The following NCDN variants were observed in gnomAD, a reference collection of about 807,000 sequenced individuals.
The protein encoded by NCDN is neurochondrin, also known as norbin.
NCDN carries 9 observed loss-of-function variants against 60.7 expected under a neutral mutation model. That is an observed-to-expected ratio of 0.15 (90% CI 0.09 to 0.26). The LOEUF (loss-of-function observed/expected upper bound fraction) is 0.26. NCDN is among the 10% of genes least tolerant of loss of function. NCDN has a pLI of 1.00. For synonymous variants in NCDN, 409 were observed against 442.5 expected, an observed-to-expected ratio of 0.92 and a Z score of 0.95; for missense variants, 578 against 975.2, an observed-to-expected ratio of 0.59 and a Z score of 5.42.
At position 35,560,286 on chromosome 1, in the gene NCDN, T is replaced by A. The variant is rs1648649609; in HGVS notation, c.175-40T>A. The A allele has an allele frequency of 6.3e-7, 1 of 1,585,444 alleles. No homozygotes were observed. On this transcript the variant is annotated intron_variant, in intron 2 of 6. Coordinates refer to ENST00000373243, the MANE Select transcript of NCDN (RefSeq NM_014284.3). The surrounding 1 kb of genome is among the most constrained non-coding windows in gnomAD (Gnocchi z 7.6). ...GCAGGAGAGGGACAGTCTTTCCCACTTCTTCCTTTCATCCTGATGATAGCA... is the reference window on the plus strand; with the variant it reads ...GCAGGAGAGGGACAGTCTTTCCCACATCTTCCTTTCATCCTGATGATAGCA...
In NCDN at chr1:35,562,020, TA is replaced by T. The variant is rs1648723895; in HGVS notation, c.1144-369del. On this transcript the variant is annotated intron_variant, in intron 3 of 6. Transcript: ENST00000373243. This position sits in a 1 kb window ranked among gnomAD's most constrained non-coding sequence, Gnocchi z 6.8. ...CTCCCACCCCAGGTCAGAGCTGCTG[TA>T]AAGGGTGTTTAACTTAGCTTTTGAC... is the stretch of plus-strand genomic sequence containing the variant. Among the ~76,000 whole-genome samples the T allele has an allele frequency of 6.6e-6, 1 of 152,178 alleles. No homozygotes were observed. The highest frequency in any genetic ancestry group is 1.5e-5 in the Non-Finnish European group (1 of 68,024).
rs767138829 is a variant in NCDN at position 35,559,066 on chromosome 1, C to T, written c.34-41C>T. On this transcript the variant is annotated intron_variant, in intron 1 of 6. Coordinates refer to ENST00000373243, the MANE Select transcript of NCDN (RefSeq NM_014284.3). ...TCTCACCCCCACCCCACCCCCGTCCCTCCTCTGCAGAGGGATGCTCAGTCC... is the reference window on the plus strand; with the variant it reads ...TCTCACCCCCACCCCACCCCCGTCCTTCCTCTGCAGAGGGATGCTCAGTCC... 4 of 1,562,044 alleles carry T rather than the reference C, an allele frequency of 2.6e-6. No individual in the cohort carries two copies. In the South Asian group the frequency reaches 4.5e-5, roughly 18 times the overall value.
Position 35,565,402 on chromosome 1 carries a change from C to A in NCDN, c.1929C>A (p.Ala643=). 6.2e-7 allele frequency: 1 copy of A among 1,612,956 alleles called. No individual in the cohort carries two copies. Among genetic ancestry groups the A allele is most frequent in the Non-Finnish European group, 8.5e-7 (1 of 1,179,380 alleles). Residue 643 remains alanine (A), a synonymous_variant, in exon 7 of 7, where the codon GCC becomes GCA. Transcript: ENST00000373243. The surrounding 1 kb of genome is among the most constrained non-coding windows in gnomAD (Gnocchi z 8.9). ...AGCTCTGGTTCCTGGGCATGCAGGC[C>A]TTCACCGGCTGTGTGCCTCTGCTGC... ...LQELWFLGMQ[A]FTGCVPLLPW...
At position 35,562,802 on chromosome 1, in the gene NCDN, C is replaced by T. The variant is rs186883896; in HGVS notation, c.1385+169C>T. Among the ~76,000 whole-genome samples the T allele has an allele frequency of 6.6e-6, 1 of 152,346 alleles. No homozygotes were observed. Among genetic ancestry groups the T allele is most frequent in the Non-Finnish European group, 1.5e-5 (1 of 68,034 alleles). On this transcript the variant is annotated intron_variant, in intron 4 of 6. Transcript: ENST00000373243. This position sits in a 1 kb window ranked among gnomAD's most constrained non-coding sequence, Gnocchi z 6.8. The stretch of plus-strand genomic sequence containing the variant: ...GGCTTGTTCCCACAGGACTCCTCGG[C>T]TGCCAGGTGTCACTTGCCAACCCCA...
In NCDN at chr1:35,563,503, TC is replaced by T; in HGVS notation, c.1610+79del. ...TGCCCAGTTGCCTCAATTCTCAGTC[TC>T]CTACTTTGCCCCCCATGCCCATGGA... On this transcript the variant is annotated intron_variant, in intron 5 of 6. Coordinates refer to ENST00000373243, the MANE Select transcript of NCDN (RefSeq NM_014284.3). The surrounding 1 kb of genome is among the most constrained non-coding windows in gnomAD (Gnocchi z 6.6). 1 of 1,490,268 alleles carries T rather than the reference TC, an allele frequency of 6.7e-7. No individual in the cohort carries two copies. The highest frequency in any genetic ancestry group is 9.2e-7 in the Non-Finnish European group (1 of 1,085,502). 92.3% of individuals were successfully genotyped at this position (1,490,268 alleles called of 1,614,324 possible).
In NCDN at chr1:35,566,675, A is replaced by T. The variant is rs1364121455; in HGVS notation, c.*1012A>T. The T allele has an allele frequency of 7.4e-6, 3 of 403,620 alleles. No individual in the cohort carries two copies. The highest frequency in any genetic ancestry group is 1.5e-5 in the Non-Finnish European group (3 of 206,718). The allele number at this position is 403,620 out of a possible 1,614,324, so 25.0% of individuals were successfully genotyped here. On this transcript the variant is annotated 3_prime_UTR_variant, in exon 7 of 7. Transcript: ENST00000373243. The surrounding 1 kb of genome is among the most constrained non-coding windows in gnomAD (Gnocchi z 5.3). ...CACACACACACACACACACACACACACACACTCTTGATCCCTTGCTTCCCT... is the reference window on the plus strand; with the variant it reads ...CACACACACACACACACACACACACTCACACTCTTGATCCCTTGCTTCCCT...
Position 35,561,566 on chromosome 1 carries a change from C to T in NCDN, c.1143+272C>T, listed in dbSNP as rs1024780987. On this transcript the variant is annotated intron_variant, in intron 3 of 6. Coordinates refer to ENST00000373243, the MANE Select transcript of NCDN (RefSeq NM_014284.3). This position sits in a 1 kb window ranked among gnomAD's most constrained non-coding sequence, Gnocchi z 4.9. ...ACAACACAGTAACCTCCCACTCAAA[C>T]GCTCCCCCCAATACACACACACTAC... Among the ~76,000 whole-genome samples the T allele has an allele frequency of 2.0e-5, 3 of 151,950 alleles. No individual in the cohort carries two copies. Among genetic ancestry groups the T allele is most frequent in the East Asian group, 1.9e-4 (1 of 5,184 alleles).
In NCDN at chr1:35,565,123, C is replaced by T; in HGVS notation, c.1754-104C>T. 8.5e-7 allele frequency: 1 copy of T among 1,171,750 alleles called. No homozygotes were observed. The allele number at this position is 1,171,750 out of a possible 1,614,324, so 72.6% of individuals were successfully genotyped here. The stretch of plus-strand genomic sequence containing the variant: ...TCAACGCAGGCAGTCTGATTCCAGG[C>T]TGTGCCCTGGCTCCTGCATGTGTCT... On this transcript the variant is annotated intron_variant, in intron 6 of 6. Transcript: ENST00000373243. The surrounding 1 kb of genome is among the most constrained non-coding windows in gnomAD (Gnocchi z 8.9).
In NCDN at chr1:35,561,665, T is replaced by C. The variant is rs551122251; in HGVS notation, c.1143+371T>C. ...GTTCTGCTCACTCCATAGCATTGTT[T>C]TATACACGCACACACCCGAACTTCT... On this transcript the variant is annotated intron_variant, in intron 3 of 6. Transcript: ENST00000373243. This position sits in a 1 kb window ranked among gnomAD's most constrained non-coding sequence, Gnocchi z 4.9. Among the ~76,000 whole-genome samples, 2 of 152,208 alleles carry C rather than the reference T, an allele frequency of 1.3e-5. No homozygotes were observed. Among genetic ancestry groups the C allele is most frequent in the African/African-American group, 4.8e-5 (2 of 41,516 alleles).
At position 35,565,157 on chromosome 1, in the gene NCDN, G is replaced by A; in HGVS notation, c.1754-70G>A. 2 of 1,472,112 alleles carry A rather than the reference G, an allele frequency of 1.4e-6. No homozygotes were observed. Among genetic ancestry groups the A allele is most frequent in the South Asian group, 1.3e-5 (1 of 78,712 alleles). The allele number at this position is 1,472,112 out of a possible 1,614,324, so 91.2% of individuals were successfully genotyped here. A position where few individuals can be genotyped will look rare whatever the true frequency, so the allele number is the denominator to read the frequency against. On this transcript the variant is annotated intron_variant, in intron 6 of 6. Transcript: ENST00000373243. This position sits in a 1 kb window ranked among gnomAD's most constrained non-coding sequence, Gnocchi z 8.9. ...GGCTCCTGCATGTGTCTACACAGAG[G>A]ACTAGGGAAGGGTCTGACACAGCAG...
Position 35,558,292 on chromosome 1 carries a change from G to A in NCDN, c.33+69G>A. 2.5e-6 allele frequency: 4 copies of A among 1,605,822 alleles called. No homozygotes were observed. The highest frequency in any genetic ancestry group is 4.5e-5 in the East Asian group (2 of 44,650). On this transcript the variant is annotated intron_variant, in intron 1 of 6. Transcript: ENST00000373243. This position sits in a 1 kb window ranked among gnomAD's most constrained non-coding sequence, Gnocchi z 6.3. ...CTCAGCAGCCCTGCTTCGATTATCC[G>A]GCTTTTGGATTCTCCGTTGTCCTGG...
chr1:35,562,372 A>G lies in NCDN; in HGVS notation c.1144-20A>G. ...GGGTCCCTGGTCCTGCTCCATCTCA[A>G]GGGGGTCCTGTGGCAACAGGTGGGG... is the stretch of plus-strand genomic sequence containing the variant. On this transcript the variant is annotated intron_variant, in intron 3 of 6. Coordinates refer to ENST00000373243, the MANE Select transcript of NCDN (RefSeq NM_014284.3). This position sits in a 1 kb window ranked among gnomAD's most constrained non-coding sequence, Gnocchi z 6.8. The G allele has an allele frequency of 1.2e-6, 2 of 1,611,938 alleles. No individual in the cohort carries two copies. The highest frequency in any genetic ancestry group is 1.7e-6 in the Non-Finnish European group (2 of 1,178,684).
Position 35,563,846 on chromosome 1 carries a change from C to T in NCDN, c.1690C>T (p.Leu564Phe). The T allele has an allele frequency of 1.9e-6, 3 of 1,614,148 alleles. No homozygotes were observed. The highest frequency in any genetic ancestry group is 2.5e-6 in the Non-Finnish European group (3 of 1,180,030). ...ACTAGTGCAGCAACAGGGAAGGCTGCTTCTGGCTGCTAATGTGGCCACCCT... is the reference window on the plus strand; with the variant it reads ...ACTAGTGCAGCAACAGGGAAGGCTGTTTCTGGCTGCTAATGTGGCCACCCT... ...PALVQQQGRL[L>F]LAANVATLGL... The change falls in exon 6 of 7, where the codon CTT becomes TTT. Residue 564 changes from leucine to phenylalanine, a missense_variant. Physicochemically the swap from Leu to Phe is conservative, Grantham distance 22. This residue lies in a region of NCDN where 191 missense variants were observed against 372.1 expected (regional missense o/e 0.51). Coordinates refer to ENST00000373243, the MANE Select transcript of NCDN (RefSeq NM_014284.3). This position sits in a 1 kb window ranked among gnomAD's most constrained non-coding sequence, Gnocchi z 6.6.
Position 35,565,741 on chromosome 1 carries a change from T to C in NCDN, c.*78T>C, listed in dbSNP as rs58718331. 7.1e-7 allele frequency: 1 copy of C among 1,399,670 alleles called. No homozygotes were observed. Among genetic ancestry groups the C allele is most frequent in the Non-Finnish European group, 9.5e-7 (1 of 1,055,778 alleles). 86.7% of individuals were successfully genotyped at this position (1,399,670 alleles called of 1,614,324 possible). ...GAGGCATCTTCCCTGAAGCCCCCAA[T>C]CTGGCCCCCCCCTCCCCAGACTTCC... On this transcript the variant is annotated 3_prime_UTR_variant, in exon 7 of 7. Coordinates refer to ENST00000373243, the MANE Select transcript of NCDN (RefSeq NM_014284.3). This position sits in a 1 kb window ranked among gnomAD's most constrained non-coding sequence, Gnocchi z 8.9.
Position 35,565,625 on chromosome 1 carries a change from C to T in NCDN, c.2152C>T (p.Arg718Cys), listed in dbSNP as rs866410933. 5.8e-6 allele frequency: 9 copies of T among 1,561,030 alleles called. No individual in the cohort carries two copies. The highest frequency in any genetic ancestry group is 3.7e-5 in the Admixed American group (2 of 53,944). Residue 718 changes from arginine to cysteine, a missense_variant, in exon 7 of 7, where the codon CGC becomes TGC. Physicochemically the swap from Arg to Cys is radical, Grantham distance 180. Coordinates refer to ENST00000373243, the MANE Select transcript of NCDN (RefSeq NM_014284.3). This position sits in a 1 kb window ranked among gnomAD's most constrained non-coding sequence, Gnocchi z 8.9. ...GGGCGAGGAGACGGCCAGCCACTACCGCATGGCTGCCTTGGAGCAGTGCCT... is the reference window on the plus strand; with the variant it reads ...GGGCGAGGAGACGGCCAGCCACTACTGCATGGCTGCCTTGGAGCAGTGCCT... Reference protein sequence around the residue: ...QAGEETASHYRMAALEQCLSE... With the variant: ...QAGEETASHYCMAALEQCLSE...
Position 35,563,245 on chromosome 1 carries a change from C to T in NCDN, c.1429C>T (p.Pro477Ser), listed in dbSNP as rs966846201. Reference protein sequence around the residue: ...GWCHLTVEDGPREILIKEGAP... With the variant: ...GWCHLTVEDGSREILIKEGAP... ...GTGCCACCTGACCGTTGAAGATGGG[C>T]CCCGGGAGATCCTGATCAAGGAAGG... The change falls in exon 5 of 7, where the codon CCC (proline) becomes TCC (serine). Residue 477 changes from proline to serine, a missense_variant. By Grantham distance (74) the Pro-to-Ser change is moderately conservative. Transcript: ENST00000373243. The surrounding 1 kb of genome is among the most constrained non-coding windows in gnomAD (Gnocchi z 6.6). 7 of 1,614,076 alleles carry T rather than the reference C, an allele frequency of 4.3e-6. No individual in the cohort carries two copies. The highest frequency in any genetic ancestry group is 5.1e-6 in the Non-Finnish European group (6 of 1,179,974).
rs1648850036 is a variant in NCDN at position 35,565,690 on chromosome 1, G to A, written c.*27G>A. 6.6e-7 allele frequency: 1 copy of A among 1,521,900 alleles called. No homozygotes were observed. The highest frequency in any genetic ancestry group is 1.2e-5 in the South Asian group (1 of 83,226). The allele number at this position is 1,521,900 out of a possible 1,614,324, so 94.3% of individuals were successfully genotyped here. ...GGGTGTCCACCGGGGACAGACCCAG[G>A]GGCGGGCAGAGAGGGAAGGAGGGAG... On this transcript the variant is annotated 3_prime_UTR_variant, in exon 7 of 7. Transcript: ENST00000373243. The surrounding 1 kb of genome is among the most constrained non-coding windows in gnomAD (Gnocchi z 8.9).
Position 35,565,765 on chromosome 1 carries a change from C to A in NCDN, c.*102C>A. 1 of 1,276,158 alleles carries A rather than the reference C, an allele frequency of 7.8e-7. No individual in the cohort carries two copies. The highest frequency in any genetic ancestry group is 1.0e-6 in the Non-Finnish European group (1 of 953,130). The allele number at this position is 1,276,158 out of a possible 1,614,324, so 79.1% of individuals were successfully genotyped here. On this transcript the variant is annotated 3_prime_UTR_variant, in exon 7 of 7. Transcript: ENST00000373243. The surrounding 1 kb of genome is among the most constrained non-coding windows in gnomAD (Gnocchi z 8.9). ...ATCTGGCCCCCCCCTCCCCAGACTT[C>A]CTCCCCAAAACACCCCAGCTTTCTG...
intron 1 of NCDN, 37 bp from the exon 2 acceptor site, chr1:35,559,070 T>G: frequency 4.2e-5 from 17 of 408,890 alleles, no homozygotes; most frequent in East Asian, 2.0e-4. Context: ...CCGTCCCTCC[T>G]CTGCAGAGGG....
Sources: allele counts gnomAD v4.1 joint callset (sites outside exome capture counted in the v4.1 genomes callset), GRCh38; gene constraint gnomAD v4.1.1; regional missense constraint gnomAD v4.1.1; non-coding constraint Gnocchi (gnomAD v3.1); transcripts MANE v1.5; gene names NCBI Gene and HGNC (gene_info 2026-07-23, HGNC 2026-07-21).